Variants in TFCP2 observed in about 807,000 individuals in gnomAD.
The protein encoded by TFCP2 is alpha-globin transcription factor CP2.
In TFCP2, 33 loss-of-function variants were observed where a neutral mutation model predicts 73.4. That is an observed-to-expected ratio of 0.45 (90% CI 0.34 to 0.60). TFCP2 has a LOEUF of 0.60. Among genes scored for constraint, TFCP2 ranks in the 20% least tolerant of loss-of-function variants. The pLI, the probability that TFCP2 is intolerant of heterozygous loss-of-function variation, is 0.01. For missense variants in TFCP2, 352 were observed against 604.0 expected (o/e 0.58, Z 4.37); for synonymous variants, 193 against 211.6 (o/e 0.91, Z 0.76).
chr12:51,117,858 T>C, intron 2 of TFCP2, 111 bp from the exon 3 acceptor site: 3 of 662,432 alleles, frequency 4.5e-6, no homozygotes, highest in Non-Finnish European at 7.6e-6. Context: ...ATATTATTAG[T>C]ATTAGTAACA....
At chr12:51,104,583 T>C (rs1940184524) in intron 8 of TFCP2, among the ~76,000 whole-genome samples, 1 of 151,774 alleles carries the variant, frequency 6.6e-6, no homozygotes, top group East Asian at 1.9e-4. Context: ...ATGAAAAATA[T>C]CAGGATAAAA....
intron 14 of TFCP2, among the ~76,000 whole-genome samples, 168 bp downstream of exon 14, chr12:51,095,821 A>AG (rs1487995583): frequency 6.6e-6 from 1 of 150,856 alleles, no homozygotes; most frequent in Non-Finnish European, 1.5e-5. Flanking sequence ...TTCAAAAAAA[A>AG]AAAAAAAAAA....
intron 1 of TFCP2, among the ~76,000 whole-genome samples, chr12:51,144,489 T>C (rs1032213368): frequency 5.3e-5 from 8 of 152,068 alleles, no homozygotes; most frequent in African/African-American, 1.4e-4. Flanking sequence ...AATTAACCTA[T>C]AGAAGAGAAC....
At chr12:51,117,797 T>C (rs746474761) in intron 2 of TFCP2, 50 bp from the exon 3 acceptor site, 6 of 1,310,708 alleles carry the variant, frequency 4.6e-6, no homozygotes, top group Non-Finnish European at 5.4e-6. Context: ...TTAACTTTGC[T>C]AGATTCGGAA....
chr12:51,164,761 C>A (rs904198314), intron 1 of TFCP2, among the ~76,000 whole-genome samples: 2 of 151,598 alleles, frequency 1.3e-5, no homozygotes, highest in South Asian at 4.2e-4. Context: ...AATGACTAAA[C>A]CAGCATATTA....
In TFCP2 at chr12:51,172,645, C is replaced by G; in HGVS notation, c.-223G>C. The G allele has an allele frequency of 1.9e-6, 1 of 520,104 alleles. No homozygotes were observed. The highest frequency in any genetic ancestry group is 2.1e-5 in the South Asian group (1 of 46,568). The allele number at this position is 520,104 out of a possible 1,614,324, so 32.2% of individuals were successfully genotyped here. A position where few individuals can be genotyped will look rare whatever the true frequency, so the allele number is the denominator to read the frequency against. ...GCTGCCCCAGGTTCCAAAATCCCCC[C>G]TGCCCAGCTCTCAGGAACGTGAGGA... On this transcript the variant is annotated 5_prime_UTR_variant, in exon 1 of 15. Coordinates refer to ENST00000257915, the MANE Select transcript of TFCP2 (RefSeq NM_005653.5).
intron 1 of TFCP2, among the ~76,000 whole-genome samples, chr12:51,171,575 A>G (rs1160242246): frequency 6.6e-6 from 1 of 151,670 alleles, no homozygotes; most frequent in African/African-American, 2.4e-5. Context: ...ACGGGGTTTC[A>G]CCACGTTGGC....
Position 51,104,428 on chromosome 12 carries a change from T to C in TFCP2, c.918-225A>G, listed in dbSNP as rs17125371. Among the ~76,000 whole-genome samples the C allele has an allele frequency of 0.06, 9,086 of 152,294 alleles. 511 individuals are homozygous for C. The highest frequency in any genetic ancestry group is 0.18 in the East Asian group (923 of 5,184). ...CTATGTCATTAGCAATATTTTCTTA[T>C]TATTGAGGAAACTGAAGAAAATATC... On this transcript the variant is annotated intron_variant, in intron 8 of 14. Coordinates refer to ENST00000257915, the MANE Select transcript of TFCP2 (RefSeq NM_005653.5).
intron 1 of TFCP2, among the ~76,000 whole-genome samples, chr12:51,167,067 T>C (rs1941771317): frequency 6.6e-6 from 1 of 152,242 alleles, no homozygotes; most frequent in Admixed American, 6.5e-5. Context: ...AGAAATGGAA[T>C]CATATGTATG....
In TFCP2 at chr12:51,109,848, A is replaced by G. The variant is rs11169711; in HGVS notation, c.565-575T>C. ...ATTCTCCTGCCTCAGCCTCCCAAAT[A>G]GCTGGGATTACAGGCACACACCACC... On this transcript the variant is annotated intron_variant, in intron 5 of 14. Coordinates refer to ENST00000257915, the MANE Select transcript of TFCP2 (RefSeq NM_005653.5). Among the ~76,000 whole-genome samples the G allele has an allele frequency of 9.3e-3, 1,410 of 151,800 alleles. 20 individuals are homozygous for G. Among genetic ancestry groups the G allele is most frequent in the African/African-American group, 0.032 (1,307 of 41,382 alleles).
At chr12:51,151,379 G>A (rs1941420599) in intron 1 of TFCP2, among the ~76,000 whole-genome samples, 2 of 152,200 alleles carry the variant, frequency 1.3e-5, no homozygotes, top group Non-Finnish European at 2.9e-5. Flanking sequence ...ACACCTTGGT[G>A]AGTGAGGAAG....
At chr12:51,108,132 A>G (rs1204403324) in intron 6 of TFCP2, among the ~76,000 whole-genome samples, 1 of 151,378 alleles carries the variant, frequency 6.6e-6, no homozygotes, top group East Asian at 2.0e-4. Flanking sequence ...TAAAAATACA[A>G]AAAATTAGCT....
At chr12:51,096,947 T>C (rs1220820637) in intron 13 of TFCP2, among the ~76,000 whole-genome samples, 3 of 93,176 alleles carry the variant, frequency 3.2e-5, no homozygotes, top group Non-Finnish European at 5.1e-5. Context: ...GATATACCTG[T>C]AATAATTTTT....
intron 1 of TFCP2, among the ~76,000 whole-genome samples, chr12:51,131,326 C>A (rs1327578379): frequency 9.3e-6 from 1 of 107,440 alleles, no homozygotes; most frequent in Non-Finnish European, 2.0e-5. Context: ...CAGAGCAAGA[C>A]TGTCTCAAAA....
chr12:51,112,605 G>A (rs1275865845), intron 4 of TFCP2, among the ~76,000 whole-genome samples: 2 of 152,120 alleles, frequency 1.3e-5, no homozygotes, highest in Admixed American at 6.5e-5. Flanking sequence ...GGTGGCTCAC[G>A]CCTGCAATCC....
chr12:51,130,459 G>A (rs907387737), intron 1 of TFCP2, among the ~76,000 whole-genome samples: 13 of 150,000 alleles, frequency 8.7e-5, no homozygotes, highest in African/African-American at 2.9e-4. Context: ...GTGATAGAAC[G>A]AGACTCCGTC....
intron 1 of TFCP2, among the ~76,000 whole-genome samples, chr12:51,126,642 A>G (rs1338710710): frequency 6.6e-6 from 1 of 152,218 alleles, no homozygotes; most frequent in Non-Finnish European, 1.5e-5. Flanking sequence ...GATAGCATCT[A>G]AGGAACTTAG....
intron 1 of TFCP2, among the ~76,000 whole-genome samples, chr12:51,165,146 G>A (rs1051870086): frequency 3.3e-5 from 5 of 152,032 alleles, no homozygotes; most frequent in Non-Finnish European, 5.9e-5. Flanking sequence ...CTTGAGTCCA[G>A]GAGTTCAAGA....
chr12:51,157,974 G>A (rs757201780), intron 1 of TFCP2, among the ~76,000 whole-genome samples: 9 of 151,550 alleles, frequency 5.9e-5, no homozygotes, highest in Non-Finnish European at 1.3e-4. Context: ...CACTGCACCC[G>A]ACCCATTTTA....
Sources: gnomAD v4.1 joint callset for allele counts (sites outside exome capture counted in the v4.1 genomes callset) on GRCh38, gnomAD v4.1.1 for gene constraint, MANE v1.5 for transcripts, NCBI Gene and HGNC (gene_info 2026-07-23, HGNC 2026-07-21) for gene names.